Variants in RBM44 observed in about 807,000 individuals in gnomAD.
The protein encoded by RBM44 is RNA binding motif protein 44, also known as RNA-binding protein 44.
Under a neutral mutation model 105.1 loss-of-function variants are expected in RBM44, and 66 were observed. That is an observed-to-expected ratio of 0.63 (90% CI 0.52 to 0.77). The LOEUF (loss-of-function observed/expected upper bound fraction) is 0.77, where lower values mean the gene tolerates loss of function less well. Among genes scored for constraint, RBM44 ranks in the 30% least tolerant of loss-of-function variants. RBM44 has a pLI of 0.00. For synonymous variants in RBM44, 365 were observed against 417.6 expected, an observed-to-expected ratio of 0.87 and a Z score of 1.54; for missense variants, 1,122 against 1,207.8, an observed-to-expected ratio of 0.93 and a Z score of 1.05.
At chr2:237,812,883 A>G (rs1181298211) in intron 1 of RBM44, among the ~76,000 whole-genome samples, 1 of 152,184 alleles carries the variant, frequency 6.6e-6, no homozygotes, top group Non-Finnish European at 1.5e-5. Context: ...GGATATCCCG[A>G]TTACCCTGAG....
At chr2:237,810,900 G>A (rs1576499399) in intron 1 of RBM44, among the ~76,000 whole-genome samples, 1 of 152,134 alleles carries the variant, frequency 6.6e-6, no homozygotes, top group Admixed American at 6.5e-5. Flanking sequence ...CCCAGTTGAA[G>A]GGTCTGTGGT....
intron 10 of RBM44, among the ~76,000 whole-genome samples, chr2:237,826,169 GAA>G (rs1360688967): frequency 1.3e-5 from 2 of 151,748 alleles, no homozygotes; most frequent in Admixed American, 6.6e-5. Flanking sequence ...ATTATTTAAT[GAA>G]AAAAATAAAA....
intron 8 of RBM44, among the ~76,000 whole-genome samples, chr2:237,823,220 A>T (rs1051622171): frequency 6.6e-6 from 1 of 152,026 alleles, no homozygotes; most frequent in African/African-American, 2.4e-5. Context: ...CATTATACAC[A>T]GACTGGATTC....
chr2:237,840,083 G>A (rs564440242), intron 15 of RBM44, among the ~76,000 whole-genome samples: 1 of 151,494 alleles, frequency 6.6e-6, no homozygotes, highest in Admixed American at 6.6e-5. Context: ...TAGCTACTCA[G>A]GAGGCTGAAG....
chr2:237,806,738 A>G (rs908012333), intron 1 of RBM44, among the ~76,000 whole-genome samples: 3 of 152,222 alleles, frequency 2.0e-5, no homozygotes, highest in East Asian at 3.9e-4. Flanking sequence ...AGACTTGTCA[A>G]ACACTAATAT....
intron 15 of RBM44, among the ~76,000 whole-genome samples, chr2:237,835,026 A>G (rs1559923506): frequency 1.3e-5 from 2 of 152,174 alleles, no homozygotes; most frequent in South Asian, 4.1e-4. Context: ...TTTTCCAACA[A>G]TGTTTACCCA....
chr2:237,832,190 T>G (rs2061910870), intron 13 of RBM44, among the ~76,000 whole-genome samples: 1 of 151,602 alleles, frequency 6.6e-6, no homozygotes, highest in Admixed American at 6.6e-5. Flanking sequence ...GATCTCACTC[T>G]GTCACCCAGG....
intron 1 of RBM44, among the ~76,000 whole-genome samples, chr2:237,802,264 A>G (rs897230336): frequency 6.6e-6 from 1 of 152,090 alleles, no homozygotes; most frequent in African/African-American, 2.4e-5. Flanking sequence ...GGGGTTCCCA[A>G]CCCCCAGCCT....
intron 1 of RBM44, among the ~76,000 whole-genome samples, chr2:237,807,701 A>G (rs2061613295): frequency 6.6e-6 from 1 of 152,240 alleles, no homozygotes; most frequent in South Asian, 2.1e-4. Flanking sequence ...AGACCCAAGG[A>G]ATAGATTATT....
intron 7 of RBM44, 73 bp from the exon 8 acceptor site, chr2:237,821,670 T>G: frequency 9.7e-7 from 1 of 1,032,882 alleles, no homozygotes; most frequent in South Asian, 1.4e-5. Context: ...GAAATATACA[T>G]TGTAGTTAAC....
chr2:237,822,053 C>T (rs912953143), intron 8 of RBM44, among the ~76,000 whole-genome samples: 3 of 151,912 alleles, frequency 2.0e-5, no homozygotes, highest in African/African-American at 7.2e-5. Flanking sequence ...TAATTTACAC[C>T]ACACCAGGAG....
chr2:237,813,617 C>A lies in RBM44; in HGVS notation c.8C>A (p.Ala3Asp). The stretch of plus-strand genomic sequence containing the variant: ...ATTATATATCTTTGAATGATGCAGG[C>A]CACTGCAGTGGTGGAGACAGCATCT... Reference protein sequence around the residue: MQATAVVETASGK... With the variant: MQDTAVVETASGK... The change falls in exon 2 of 16, where the codon GCC becomes GAC. Residue 3 changes from alanine to aspartate, a missense_variant. Around this residue, in one of 3 missense-constraint regions of RBM44, gnomAD observed 918 missense variants for 955.3 expected, o/e 0.96. Coordinates refer to ENST00000316997, the MANE Select transcript of RBM44 (RefSeq NM_001080504.3). 6.2e-7 allele frequency: 1 copy of A among 1,603,232 alleles called. No homozygotes were observed. Among genetic ancestry groups the A allele is most frequent in the East Asian group, 2.2e-5 (1 of 44,836 alleles).
At position 237,813,655 on chromosome 2, in the gene RBM44, C is replaced by T. The variant is rs779228137; in HGVS notation, c.46C>T (p.His16Tyr). 1.2e-6 allele frequency: 2 copies of T among 1,610,862 alleles called. No individual in the cohort carries two copies. The highest frequency in any genetic ancestry group is 1.7e-6 in the Non-Finnish European group (2 of 1,177,362). The stretch of plus-strand genomic sequence containing the variant: ...GGAGACAGCATCTGGTAAAGGCTAC[C>T]ACAGTAATGGAGGCAACCTCCAAAA... ...VVETASGKGY[H>Y]SNGGNLQKDK... The change falls in exon 2 of 16, where the codon CAC (histidine) becomes TAC (tyrosine). Residue 16 changes from histidine (H) to tyrosine (Y), a missense_variant. Physicochemically the swap from His to Tyr is moderately conservative, Grantham distance 83. Around this residue, in one of 3 missense-constraint regions of RBM44, gnomAD observed 918 missense variants for 955.3 expected, o/e 0.96. Coordinates refer to ENST00000316997, the MANE Select transcript of RBM44 (RefSeq NM_001080504.3).
chr2:237,841,241 A>G lies in RBM44; in HGVS notation c.*23-598A>G, dbSNP rs1346966634. On this transcript the variant is annotated intron_variant, in intron 15 of 15. Transcript: ENST00000316997. The surrounding 1 kb of genome is among the most constrained non-coding windows in gnomAD (Gnocchi z 4.5). The stretch of plus-strand genomic sequence containing the variant: ...ACCATGGAGTACTATGCAGCCATAA[A>G]AAAGAATGAGATGATGTGCTTTGCA... Among the ~76,000 whole-genome samples, 1 of 152,366 alleles carries G rather than the reference A, an allele frequency of 6.6e-6. No individual in the cohort carries two copies. The highest frequency in any genetic ancestry group is 1.9e-4 in the East Asian group (1 of 5,190).
At chr2:237,822,098 C>G (rs977791338) in intron 8 of RBM44, among the ~76,000 whole-genome samples, 1 of 151,970 alleles carries the variant, frequency 6.6e-6, no homozygotes, top group African/African-American at 2.4e-5. Context: ...TGGTAATTCT[C>G]TACAACAGTT....
At chr2:237,828,831 C>G (rs568858692) in intron 12 of RBM44, among the ~76,000 whole-genome samples, 1 of 147,966 alleles carries the variant, frequency 6.8e-6, no homozygotes, top group East Asian at 2.0e-4. Context: ...ACATTTAAGC[C>G]TTTAAGTTAT....
intron 15 of RBM44, among the ~76,000 whole-genome samples, chr2:237,839,604 G>T (rs1354375037): frequency 6.6e-6 from 1 of 152,154 alleles, no homozygotes; most frequent in African/African-American, 2.4e-5. Flanking sequence ...TGCAGAAAGT[G>T]AAGTTGGACC....
chr2:237,801,053 G>C (rs534157741), intron 1 of RBM44, among the ~76,000 whole-genome samples: 6 of 152,144 alleles, frequency 3.9e-5, no homozygotes, highest in Admixed American at 2.6e-4. Context: ...TATGAAGAGC[G>C]GGCTGGGTGC....
At position 237,820,149 on chromosome 2, in the gene RBM44, C is replaced by T. The variant is rs2061768460; in HGVS notation, c.1737-26C>T. The T allele has an allele frequency of 1.0e-5, 14 of 1,372,558 alleles. No individual in the cohort carries two copies. In the East Asian group the frequency reaches 3.7e-4, roughly 36 times the overall value. 85.0% of individuals were successfully genotyped at this position (1,372,558 alleles called of 1,614,324 possible). A position where few individuals can be genotyped will look rare whatever the true frequency, so the allele number is the denominator to read the frequency against. On this transcript the variant is annotated intron_variant, in intron 4 of 15. Coordinates refer to ENST00000316997, the MANE Select transcript of RBM44 (RefSeq NM_001080504.3). Reference sequence around the variant, plus strand: ...CTATAGAAAAATGTTTGGAATCTTACCTGATCCTATCTTTTATTTTTAAAG... The same window carrying T: ...CTATAGAAAAATGTTTGGAATCTTATCTGATCCTATCTTTTATTTTTAAAG...
Sources: allele counts gnomAD v4.1 joint callset (sites outside exome capture counted in the v4.1 genomes callset), GRCh38; gene constraint gnomAD v4.1.1; regional missense constraint gnomAD v4.1.1; non-coding constraint Gnocchi (gnomAD v3.1); transcripts MANE v1.5; gene names NCBI Gene and HGNC (gene_info 2026-07-23, HGNC 2026-07-21).